KLHL7: variants seen among roughly 807,000 people sequenced by gnomAD.
KLHL7 encodes kelch-like protein 7.
A neutral mutation model predicts 67.4 loss-of-function variants in KLHL7; 44 were observed. The ratio of observed to expected loss-of-function variants is 0.65; its 90% CI spans 0.51 to 0.84. The LOEUF is 0.84. KLHL7 is among the 40% of genes least tolerant of loss of function. The probability of loss-of-function intolerance (pLI) is 0.00; values close to 1 mark genes in which losing one functional copy is unlikely to be tolerated. For missense variants in KLHL7, 362 were observed against 718.1 expected (o/e 0.50, Z 5.67); for synonymous variants, 252 against 243.3 (o/e 1.04, Z -0.33).
chr7:23,130,357 A>G (rs543110202), intron 4 of KLHL7, among the ~76,000 whole-genome samples: 5 of 152,312 alleles, frequency 3.3e-5, no homozygotes, highest in Admixed American at 6.5e-5. Context: ...CAGCAACTGG[A>G]TTTACAGATC....
At chr7:23,125,217 C>T (rs1358116070) in intron 4 of KLHL7, 45 bp downstream of exon 4, 1 of 1,589,242 alleles carries the variant, frequency 6.3e-7, no homozygotes, top group South Asian at 1.1e-5. Flanking sequence ...TTGTTTTATC[C>T]TTTATTTCTA....
At chr7:23,109,051 A>T (rs1002468157) in intron 1 of KLHL7, among the ~76,000 whole-genome samples, 4 of 152,214 alleles carry the variant, frequency 2.6e-5, no homozygotes, top group Non-Finnish European at 5.9e-5. Context: ...TGTGTTGGGA[A>T]ATACCAAACA....
intron 1 of KLHL7, among the ~76,000 whole-genome samples, chr7:23,119,538 A>G (rs148544710): frequency 2.0e-3 from 303 of 152,326 alleles, no homozygotes; most frequent in African/African-American, 6.2e-3. Flanking sequence ...CATAGTTTAC[A>G]TTAGGGTTGA....
At chr7:23,120,979 C>T (rs934681592) in intron 1 of KLHL7, among the ~76,000 whole-genome samples, 3 of 152,070 alleles carry the variant, frequency 2.0e-5, no homozygotes, top group South Asian at 2.1e-4. Context: ...TCCCTCCTTC[C>T]GCCTCCCCTT....
chr7:23,164,148 T>C (rs909895553), intron 7 of KLHL7, among the ~76,000 whole-genome samples: 43 of 151,726 alleles, frequency 2.8e-4, no homozygotes, highest in African/African-American at 9.7e-4. Context: ...TTCCCATCTA[T>C]TCTTCCCCAC....
At position 23,125,802 on chromosome 7, in the gene KLHL7, A is replaced by G. The variant is rs897358364; in HGVS notation, c.442+630A>G. 6.5e-6 allele frequency: 10 copies of G among 1,546,664 alleles called. No individual in the cohort carries two copies. In the African/African-American group the frequency reaches 9.6e-5, roughly 15 times the overall value. On this transcript the variant is annotated intron_variant, in intron 4 of 10. Transcript: ENST00000339077. ...TGATCAGAGCCTTCCAGAGTGTGGTATGCTTTTCACTGTGTGATGATCCTT... is the reference window on the plus strand; with the variant it reads ...TGATCAGAGCCTTCCAGAGTGTGGTGTGCTTTTCACTGTGTGATGATCCTT...
intron 6 of KLHL7, among the ~76,000 whole-genome samples, chr7:23,149,572 A>G (rs958436925): frequency 1.3e-5 from 2 of 152,230 alleles, no homozygotes; most frequent in African/African-American, 4.8e-5. Flanking sequence ...TTAGTGTTCA[A>G]TAATTAGGAT....
chr7:23,123,929 G>C (rs1252781681), intron 2 of KLHL7, 50 bp downstream of exon 2: 1 of 1,257,812 alleles, frequency 8.0e-7, no homozygotes, highest in East Asian at 2.3e-5. Flanking sequence ...TGAGAATGAA[G>C]TAAAATCTAA....
chr7:23,106,250 T>G lies in KLHL7; in HGVS notation c.120+104T>G, dbSNP rs946024787. On this transcript the variant is annotated intron_variant, in intron 1 of 10. Transcript: ENST00000339077. ...CGCGCCCTGTGGATCGCGCCCCTCTTTCTCTGTCCTCGCCCCTCCTTCCGT... is the reference window on the plus strand; with the variant it reads ...CGCGCCCTGTGGATCGCGCCCCTCTGTCTCTGTCCTCGCCCCTCCTTCCGT... 7.1e-6 allele frequency: 11 copies of G among 1,546,624 alleles called. No individual in the cohort carries two copies. The Admixed American group carries it at 2.0e-4, about 28-fold the overall frequency.
At chr7:23,119,953 A>G (rs577235095) in intron 1 of KLHL7, among the ~76,000 whole-genome samples, 1 of 152,258 alleles carries the variant, frequency 6.6e-6, no homozygotes, top group African/African-American at 2.4e-5. Flanking sequence ...TTCCAGAGCA[A>G]GGTTGAATAA....
chr7:23,173,040 G>A lies in KLHL7; in HGVS notation c.1472G>A (p.Gly491Asp). ...DKIFAVGGQNGLGGLDNVEYY... is the reference protein window; with the variant it reads ...DKIFAVGGQNDLGGLDNVEYY... The stretch of plus-strand genomic sequence containing the variant: ...ATATTTGCTGTGGGTGGTCAGAATG[G>A]TTTAGGTATGTGATGTTAATTCACT... The change falls in exon 10 of 11, where the codon GGT becomes GAT. Residue 491 changes from glycine to aspartate, a missense_variant. Gly to Asp is a moderately conservative substitution (Grantham distance 94). Coordinates refer to ENST00000339077, the MANE Select transcript of KLHL7 (RefSeq NM_001031710.3). The A allele has an allele frequency of 6.2e-7, 1 of 1,608,824 alleles. No homozygotes were observed. Among genetic ancestry groups the A allele is most frequent in the East Asian group, 2.2e-5 (1 of 44,800 alleles).
chr7:23,173,734 A>G (rs1785228245), intron 10 of KLHL7, among the ~76,000 whole-genome samples: 1 of 152,184 alleles, frequency 6.6e-6, no homozygotes, highest in African/African-American at 2.4e-5. Flanking sequence ...AGGGGAAATC[A>G]CCGATTGGTT....
At chr7:23,111,583 G>C (rs760506034) in intron 1 of KLHL7, among the ~76,000 whole-genome samples, 1 of 152,084 alleles carries the variant, frequency 6.6e-6, no homozygotes, top group Non-Finnish European at 1.5e-5. Context: ...CACTTTGGGA[G>C]GCTGAGACAG....
intron 6 of KLHL7, among the ~76,000 whole-genome samples, chr7:23,147,769 C>T (rs926012922): frequency 1.3e-5 from 2 of 152,180 alleles, no homozygotes; most frequent in Non-Finnish European, 2.9e-5. Flanking sequence ...CTTATGGTTT[C>T]CTAGACTTGC....
chr7:23,106,343 CTCG>C, intron 1 of KLHL7, 197 bp downstream of exon 1: 1 of 1,428,830 alleles, frequency 7.0e-7, no homozygotes, highest in Non-Finnish European at 9.2e-7. Flanking sequence ...AAAAGTGCTT[CTCG>C]TCTGCCGAGG....
chr7:23,114,112 A>G (rs1305115951), intron 1 of KLHL7, among the ~76,000 whole-genome samples: 1 of 152,148 alleles, frequency 6.6e-6, no homozygotes, highest in Non-Finnish European at 1.5e-5. Context: ...TGTTTTATTA[A>G]TGGTAAAGTT....
intron 9 of KLHL7, among the ~76,000 whole-genome samples, chr7:23,170,731 A>G (rs1374442368): frequency 2.0e-5 from 3 of 152,188 alleles, no homozygotes; most frequent in South Asian, 2.1e-4. Flanking sequence ...ACATGTGTCA[A>G]AATATCACAG....
At chr7:23,164,204 C>CAA (rs59830094) in intron 7 of KLHL7, among the ~76,000 whole-genome samples, 1,789 of 134,162 alleles carry the variant, frequency 0.013, 34 homozygotes, top group African/African-American at 0.038. Flanking sequence ...CTATAATCAG[C>CAA]AAAAAAAAAA....
intron 3 of KLHL7, 36 bp from the exon 4 acceptor site, chr7:23,125,012 C>A (rs765703064): frequency 1.9e-6 from 3 of 1,580,724 alleles, no homozygotes; most frequent in South Asian, 2.2e-5. Flanking sequence ...AATAAAAAAT[C>A]ATGGGTAACT....
Sources: allele counts gnomAD v4.1 joint callset (sites outside exome capture counted in the v4.1 genomes callset), GRCh38; gene constraint gnomAD v4.1.1; transcripts MANE v1.5; gene names NCBI Gene and HGNC (gene_info 2026-07-23, HGNC 2026-07-21).